Variants in UNC13A observed in about 807,000 individuals in gnomAD.
UNC13A encodes the protein unc-13 homolog A.
UNC13A carries 61 observed loss-of-function variants against 219.7 expected under a neutral mutation model. The observed-to-expected ratio is 0.28, with a 90% CI of 0.23 to 0.34. The LOEUF (loss-of-function observed/expected upper bound fraction) is 0.34. UNC13A is among the 10% of genes least tolerant of loss of function. UNC13A has a pLI of 1.00. For missense variants in UNC13A, 1,476 were observed against 2,270.3 expected (o/e 0.65, Z 7.11); for synonymous variants, 920 against 884.6 (o/e 1.04, Z -0.71).
chr19:17,648,254 C>T (rs970820921), intron 16 of UNC13A, among the ~76,000 whole-genome samples, 177 bp downstream of exon 16: 3 of 148,218 alleles, frequency 2.0e-5, no homozygotes, highest in Admixed American at 6.7e-5. Flanking sequence ...GGGAGTCCTG[C>T]GCCTTTAACC....
rs1599374516 is a variant in UNC13A, at chr19:17,647,640, A to G, written c.1817-148T>C. On this transcript the variant is annotated intron_variant, in intron 16 of 43. Transcript: ENST00000519716. ...TTCCTACCTGCTTTCTGTACCCCCC[A>G]CCCAGACCCTTCACCCTTCCACCTC... The G allele has an allele frequency of 2.9e-5, 20 of 693,496 alleles. No homozygotes were observed. In the East Asian group the frequency reaches 3.3e-4, roughly 11 times the overall value. 43.0% of individuals were successfully genotyped at this position (693,496 alleles called of 1,614,324 possible).
chr19:17,618,543 C>T (rs763109560), intron 39 of UNC13A, 42 bp from the exon 40 acceptor site: 2 of 1,551,844 alleles, frequency 1.3e-6, no homozygotes, highest in Non-Finnish European at 1.7e-6. Flanking sequence ...GGAGTGGGCT[C>T]CACCTTTGGA....
At chr19:17,685,806 C>T (rs1253081839) in intron 1 of UNC13A, among the ~76,000 whole-genome samples, 3 of 152,130 alleles carry the variant, frequency 2.0e-5, no homozygotes, top group Non-Finnish European at 4.4e-5. Context: ...TGGCAAACGC[C>T]TGTGGGTCCC....
chr19:17,637,120 G>A (rs1413889465), intron 25 of UNC13A, among the ~76,000 whole-genome samples: 1 of 151,850 alleles, frequency 6.6e-6, no homozygotes, highest in Non-Finnish European at 1.5e-5. Context: ...AGGACTACAG[G>A]TGCGCCACCA....
rs755411745 is a variant in UNC13A, at chr19:17,606,033, C to T, written c.*21G>A. ...CAGCGCCCTCCGCGCAGGCGCAGTG[C>T]CGCTCGGCCGACCGCCCGCGCTAAG... On this transcript the variant is annotated 3_prime_UTR_variant, in exon 44 of 44. Coordinates refer to ENST00000519716, the MANE Select transcript of UNC13A (RefSeq NM_001080421.3). The T allele has an allele frequency of 2.7e-6, 4 of 1,469,812 alleles. No individual in the cohort carries two copies. The highest frequency in any genetic ancestry group is 3.6e-6 in the Non-Finnish European group (4 of 1,115,980). 91.0% of individuals were successfully genotyped at this position (1,469,812 alleles called of 1,614,324 possible). A position where few individuals can be genotyped will look rare whatever the true frequency, so the allele number is the denominator to read the frequency against.
intron 17 of UNC13A, among the ~76,000 whole-genome samples, chr19:17,646,650 C>T (rs73009918): frequency 0.19 from 29,403 of 151,996 alleles, 2,928 homozygotes; most frequent in Non-Finnish European, 0.21. Context: ...CATTGCCCCC[C>T]GAGATCTCCT....
At chr19:17,616,403 C>G (rs1417285232) in intron 41 of UNC13A, 1 of 688,454 alleles carries the variant, frequency 1.5e-6, no homozygotes, top group African/African-American at 1.8e-5. Context: ...GGCGGAGGCA[C>G]GTACCCTTCT....
chr19:17,629,401 G>A (rs746014007), intron 30 of UNC13A, 78 bp from the exon 31 acceptor site: 8 of 1,315,792 alleles, frequency 6.1e-6, no homozygotes, highest in Middle Eastern at 1.8e-4. Flanking sequence ...AAGGCCACTA[G>A]TGAGATCAGT....
chr19:17,631,144 G>GTCCTCTCTGAGTC (rs1555778832), intron 28 of UNC13A, among the ~76,000 whole-genome samples: 3 of 106,898 alleles, frequency 2.8e-5, no homozygotes, highest in Non-Finnish European at 3.7e-5. Flanking sequence ...TATTCTCTGA[G>GTCCTCTCTGAGTC]CTCTTGTTTT....
intron 2 of UNC13A, among the ~76,000 whole-genome samples, chr19:17,675,217 C>T (rs985056743): frequency 6.6e-6 from 1 of 151,822 alleles, no homozygotes; most frequent in Non-Finnish European, 1.5e-5. Context: ...GCCTGTGGTC[C>T]CAGCTACTTG....
chr19:17,606,227 C>T lies in UNC13A; in HGVS notation c.4939G>A (p.Gly1647Arg), dbSNP rs2076526601. ...AGCGGCAGCCAGCAGGCGGCGCTCC[C>T]GCGCTGGGCCAGCTCACGCAGCTGC... ...VLQLRELAQRGSAACWLPLGR... is the reference protein window; with the variant it reads ...VLQLRELAQRRSAACWLPLGR... The change falls in exon 44 of 44, where the codon GGG becomes AGG. Residue 1647 changes from glycine (G) to arginine (R), a missense_variant. By Grantham distance (125) the Gly-to-Arg change is moderately radical. Transcript: ENST00000519716. 4 of 1,551,090 alleles carry T rather than the reference C, an allele frequency of 2.6e-6. No individual in the cohort carries two copies. Among genetic ancestry groups the T allele is most frequent in the Admixed American group, 1.9e-5 (1 of 51,388 alleles).
In UNC13A at chr19:17,675,488, C is replaced by T. The variant is rs143583497; in HGVS notation, c.52+524G>A. ...CTCTACTAAAAATAAAAAAATTAGC[C>T]GGGCGTGGTAGAGGGCGCCTGTAAT... On this transcript the variant is annotated intron_variant, in intron 2 of 43. Transcript: ENST00000519716. Among the ~76,000 whole-genome samples, 1,319 of 151,262 alleles carry T rather than the reference C, an allele frequency of 8.7e-3. 5 individuals carry two copies. The highest frequency in any genetic ancestry group is 0.02 in the African/African-American group (805 of 41,254).
chr19:17,641,764 ACATC>A (rs1226242840), intron 20 of UNC13A, among the ~76,000 whole-genome samples: 2 of 151,758 alleles, frequency 1.3e-5, no homozygotes, highest in African/African-American at 4.8e-5. Flanking sequence ...ATTCAACCAC[ACATC>A]CATCCATCCA....
chr19:17,679,448 AT>A (rs984672787), intron 1 of UNC13A, among the ~76,000 whole-genome samples: 8 of 151,142 alleles, frequency 5.3e-5, no homozygotes, highest in Admixed American at 3.3e-4. Context: ...AGGGGGAAAG[AT>A]TTCCACTAGG....
Position 17,674,203 on chromosome 19 carries a change from G to C in UNC13A, c.152+454C>G, listed in dbSNP as rs74606805. 6.6e-6 allele frequency among the ~76,000 whole-genome samples: 1 copy of C among 152,194 alleles called. No homozygotes were observed. Among genetic ancestry groups the C allele is most frequent in the African/African-American group, 2.4e-5 (1 of 41,452 alleles). On this transcript the variant is annotated intron_variant, in intron 3 of 43. Transcript: ENST00000519716. The surrounding 1 kb of genome is among the most constrained non-coding windows in gnomAD (Gnocchi z 5.0). ...CCCTGGGGCAAGAACAAGCTGGGAA[G>C]TGTTGGAGAAAGGGGCAGAGGTGGG...
intron 36 of UNC13A, chr19:17,623,282 G>A (rs1185095818): frequency 4.4e-6 from 2 of 455,344 alleles, no homozygotes; most frequent in Non-Finnish European, 7.8e-6. Flanking sequence ...GAGGAGCTGG[G>A]CTTGGGGTTT....
At chr19:17,621,161 G>A (rs972675470) in intron 37 of UNC13A, among the ~76,000 whole-genome samples, 1 of 152,010 alleles carries the variant, frequency 6.6e-6, no homozygotes, top group South Asian at 2.1e-4. Flanking sequence ...AACTACATAC[G>A]TGCACTCCTA....
intron 33 of UNC13A, 60 bp from the exon 34 acceptor site, chr19:17,626,845 C>G: frequency 6.4e-7 from 1 of 1,550,494 alleles, no homozygotes; most frequent in Non-Finnish European, 8.7e-7. Flanking sequence ...GACACAGATG[C>G]TGATCTGTGG....
chr19:17,631,857 G>C (rs1016910772), intron 28 of UNC13A, among the ~76,000 whole-genome samples: 1 of 152,198 alleles, frequency 6.6e-6, no homozygotes, highest in Non-Finnish European at 1.5e-5. Context: ...CGATCCTCCT[G>C]CTTCGGCCTC....
Sources: gnomAD v4.1 joint callset for allele counts (sites outside exome capture counted in the v4.1 genomes callset) on GRCh38, gnomAD v4.1.1 for gene constraint, Gnocchi (gnomAD v3.1) non-coding constraint, MANE v1.5 for transcripts, NCBI Gene and HGNC (gene_info 2026-07-23, HGNC 2026-07-21) for gene names.